The following TNR variants were observed in gnomAD, a reference collection of about 807,000 sequenced individuals.
TNR encodes the protein tenascin-R.
A neutral mutation model predicts 150.4 loss-of-function variants in TNR; 45 were observed. The observed-to-expected ratio is 0.30, with a 90% CI of 0.24 to 0.38. The LOEUF (loss-of-function observed/expected upper bound fraction) is 0.38, where lower values mean the gene tolerates loss of function less well. TNR is among the 10% of genes least tolerant of loss of function. TNR has a pLI of 1.00. For synonymous variants in TNR, 687 were observed against 678.4 expected (o/e 1.01, Z -0.20); for missense variants, 1,544 against 1,759.1 (o/e 0.88, Z 2.19).
At position 175,569,670 on chromosome 1, in the gene TNR, C is replaced by A. The variant is rs933584147; in HGVS notation, c.-164-41301G>T. ...ATATGTCATCAAAATTAATAGCACA[C>A]CATGGCTGAGCTCCATTTATTCACT... On this transcript the variant is annotated intron_variant, in intron 1 of 22. Coordinates refer to ENST00000367674, the MANE Select transcript of TNR (RefSeq NM_003285.3). Among the ~76,000 whole-genome samples, 5 of 152,164 alleles carry A rather than the reference C, an allele frequency of 3.3e-5. No homozygotes were observed. The South Asian group carries it at 1.0e-3, about 32-fold the overall frequency.
intron 2 of TNR, among the ~76,000 whole-genome samples, chr1:175,472,549 T>C (rs929085340): frequency 2.0e-5 from 3 of 152,204 alleles, no homozygotes; most frequent in African/African-American, 7.2e-5. Flanking sequence ...GAGTAATGCA[T>C]TGGGCTACAA....
intron 1 of TNR, among the ~76,000 whole-genome samples, chr1:175,652,196 T>C (rs547671321): frequency 1.3e-5 from 2 of 148,278 alleles, no homozygotes; most frequent in South Asian, 4.2e-4. Context: ...TATTATCATA[T>C]TATATTATTC....
At chr1:175,661,807 C>A (rs549309468) in intron 1 of TNR, among the ~76,000 whole-genome samples, 1 of 136,122 alleles carries the variant, frequency 7.3e-6, no homozygotes, top group East Asian at 2.4e-4. Flanking sequence ...TCCCCCCACC[C>A]TTTTCTCTTC....
At chr1:175,401,152 C>T (rs887764627) in intron 4 of TNR, among the ~76,000 whole-genome samples, 4 of 152,148 alleles carry the variant, frequency 2.6e-5, no homozygotes, top group Non-Finnish European at 5.9e-5. Flanking sequence ...CTGAGTCTTC[C>T]CTGAGGTAGC....
intron 1 of TNR, among the ~76,000 whole-genome samples, chr1:175,681,893 T>C (rs865816961): frequency 1.9e-4 from 29 of 152,080 alleles, no homozygotes; most frequent in African/African-American, 6.3e-4. Flanking sequence ...CAGGGTGAAA[T>C]GGGGGTCTGA....
At chr1:175,392,817 C>T (rs904521449) in intron 6 of TNR, among the ~76,000 whole-genome samples, 13 of 152,102 alleles carry the variant, frequency 8.5e-5, no homozygotes, top group Non-Finnish European at 7.4e-5. Flanking sequence ...TTTTCTGAAT[C>T]GTAGTGTCTA....
intron 2 of TNR, among the ~76,000 whole-genome samples, chr1:175,495,301 T>C (rs1213809538): frequency 6.6e-6 from 1 of 152,148 alleles, no homozygotes; most frequent in Non-Finnish European, 1.5e-5. Context: ...TTTCAAGAGA[T>C]TTTTGAGCTC....
chr1:175,517,931 A>G (rs1659481348), intron 2 of TNR, among the ~76,000 whole-genome samples: 1 of 152,208 alleles, frequency 6.6e-6, no homozygotes, highest in Non-Finnish European at 1.5e-5. Context: ...GTGCATACCC[A>G]TTCCCTAGGT....
intron 1 of TNR, among the ~76,000 whole-genome samples, chr1:175,566,177 T>C (rs1056206754): frequency 1.3e-5 from 2 of 152,352 alleles, no homozygotes; most frequent in East Asian, 1.9e-4. Flanking sequence ...TATGGACTCT[T>C]AGTACATCAA....
intron 14 of TNR, among the ~76,000 whole-genome samples, chr1:175,361,700 A>T (rs1173589968): frequency 6.6e-6 from 1 of 152,206 alleles, no homozygotes; most frequent in Admixed American, 6.5e-5. Context: ...TAGAAAATCC[A>T]GGTGTTCTCC....
chr1:175,608,971 A>T (rs531941628), intron 1 of TNR, among the ~76,000 whole-genome samples: 1 of 152,328 alleles, frequency 6.6e-6, no homozygotes, highest in South Asian at 2.1e-4. Flanking sequence ...ATCCTGGGCA[A>T]ATATCCCAAG....
At chr1:175,361,410 G>A (rs1159433623) in intron 14 of TNR, among the ~76,000 whole-genome samples, 3 of 152,154 alleles carry the variant, frequency 2.0e-5, no homozygotes, top group Non-Finnish European at 4.4e-5. Context: ...GCCAACACTT[G>A]TTGATATTTT....
chr1:175,640,783 G>C (rs1022734226), intron 1 of TNR, among the ~76,000 whole-genome samples: 1 of 146,668 alleles, frequency 6.8e-6, no homozygotes, highest in Admixed American at 6.6e-5. Flanking sequence ...ATATGTGTGT[G>C]TGTGTGGGTA....
chr1:175,426,915 TAA>T (rs35629141), intron 2 of TNR, among the ~76,000 whole-genome samples: 4 of 85,900 alleles, frequency 4.7e-5, no homozygotes, highest in African/African-American at 1.9e-4. Context: ...ATTATATATA[TAA>T]AATATAAATA....
chr1:175,690,085 G>A (rs1571755270), intron 1 of TNR, among the ~76,000 whole-genome samples: 1 of 152,300 alleles, frequency 6.6e-6, no homozygotes, highest in Middle Eastern at 3.4e-3. Flanking sequence ...AGGTTTACAG[G>A]CAAAATTACA....
At chr1:175,398,688 T>C (rs1057160339) in intron 4 of TNR, among the ~76,000 whole-genome samples, 3 of 152,212 alleles carry the variant, frequency 2.0e-5, no homozygotes, top group Non-Finnish European at 4.4e-5. Context: ...ATTTTATAGA[T>C]GACGAAATTG....
chr1:175,571,150 T>C lies in TNR; in HGVS notation c.-164-42781A>G, dbSNP rs1048717952. On this transcript the variant is annotated intron_variant, in intron 1 of 22. Coordinates refer to ENST00000367674, the MANE Select transcript of TNR (RefSeq NM_003285.3). ...AAACACCTTTGTCCGCAACCCATCC[T>C]GGAGTCCCATGACCTTGGCCCAGTT... 5.9e-5 allele frequency among the ~76,000 whole-genome samples: 9 copies of C among 152,340 alleles called. No homozygotes were observed. In the East Asian group the frequency reaches 1.2e-3, roughly 20 times the overall value.
chr1:175,573,042 C>T (rs151210850), intron 1 of TNR, among the ~76,000 whole-genome samples: 1 of 152,242 alleles, frequency 6.6e-6, no homozygotes, highest in East Asian at 1.9e-4. Context: ...AAGCTAAATG[C>T]ATTATATATC....
intron 1 of TNR, among the ~76,000 whole-genome samples, chr1:175,600,433 A>G (rs1663189888): frequency 6.6e-6 from 1 of 152,192 alleles, no homozygotes. Flanking sequence ...TTGGCTACCA[A>G]TATCTATTTG....
Sources: allele counts gnomAD v4.1 joint callset (sites outside exome capture counted in the v4.1 genomes callset), GRCh38; gene constraint gnomAD v4.1.1; transcripts MANE v1.5; gene names NCBI Gene and HGNC (gene_info 2026-07-23, HGNC 2026-07-21).